NECAB2: variants seen among roughly 807,000 people sequenced by gnomAD.
NECAB2 encodes the protein N-terminal EF-hand calcium-binding protein 2.
NECAB2 carries 68 observed loss-of-function variants against 51.9 expected under a neutral mutation model. That is an observed-to-expected ratio of 1.31 (90% CI 1.08 to 1.60). The LOEUF (loss-of-function observed/expected upper bound fraction) is 1.60. NECAB2 is among the 40% of genes most tolerant of loss of function. The pLI is 0.00. For missense variants in NECAB2, 854 were observed against 490.3 expected (o/e 1.74, Z -7.00); for synonymous variants, 329 against 203.5 (o/e 1.62, Z -5.25).
intron 5 of NECAB2, among the ~76,000 whole-genome samples, chr16:83,984,762 C>T (rs953327635): frequency 2.6e-5 from 4 of 152,148 alleles, no homozygotes; most frequent in African/African-American, 9.7e-5. Context: ...GCTGCTGTAG[C>T]TCACATCTTA....
At chr16:83,998,359 G>T in intron 10 of NECAB2, 42 bp downstream of exon 10, 1 of 1,573,350 alleles carries the variant, frequency 6.4e-7, no homozygotes. Flanking sequence ...GTGGCAGGGA[G>T]CTCTGCCTGG....
rs780301482 is a variant in NECAB2, at chr16:83,997,251, T to C, written c.831T>C (p.Asp277=). ...TCGACCTGCAGCAGCGCCTGTCAGA[T>C]GAAGATGGCACCAACATGGTGAGGC... ...LWFDLQQRLS[D]EDGTNMHLQL... The change falls in exon 9 of 13, where the codon GAT becomes GAC. Residue 277 remains aspartate (D), a synonymous_variant. Coordinates refer to ENST00000305202, the MANE Select transcript of NECAB2 (RefSeq NM_019065.3). 12 of 1,614,158 alleles carry C rather than the reference T, an allele frequency of 7.4e-6. No homozygotes were observed. The highest frequency in any genetic ancestry group is 9.3e-6 in the Non-Finnish European group (11 of 1,180,026).
chr16:83,991,585 T>A (rs948746148), intron 6 of NECAB2, among the ~76,000 whole-genome samples: 27 of 151,880 alleles, frequency 1.8e-4, no homozygotes, highest in African/African-American at 6.5e-4. Flanking sequence ...CAGGCTGGTC[T>A]TTAGGGTGAT....
intron 8 of NECAB2, 112 bp from the exon 9 acceptor site, chr16:83,997,104 C>G (rs1313504874): frequency 6.2e-6 from 8 of 1,285,666 alleles, no homozygotes; most frequent in Non-Finnish European, 7.8e-6. Context: ...CCCTGTGCAA[C>G]AGGGCCGGGT....
chr16:83,992,879 G>A (rs2084644066), intron 6 of NECAB2, among the ~76,000 whole-genome samples: 1 of 152,170 alleles, frequency 6.6e-6, no homozygotes, highest in South Asian at 2.1e-4. Context: ...GATTTCCTGG[G>A]TTTTCCTGTT....
At chr16:83,996,605 A>C (rs959476387) in intron 8 of NECAB2, among the ~76,000 whole-genome samples, 1 of 98,876 alleles carries the variant, frequency 1.0e-5, no homozygotes, top group Non-Finnish European at 2.7e-5. Context: ...TCAGGTAGAC[A>C]CACTGGGTTC....
At chr16:83,998,174 G>T (rs748117718) in intron 9 of NECAB2, 31 bp from the exon 10 acceptor site, 2 of 1,596,624 alleles carry the variant, frequency 1.3e-6, no homozygotes, top group Middle Eastern at 1.6e-4. Context: ...CTGACGTGGA[G>T]CCCCACACTG....
In NECAB2 at chr16:84,000,746, G is replaced by A. The variant is rs200006978; in HGVS notation, c.985G>A (p.Asp329Asn). The part of the protein sequence containing the change: ...CFHITAVRLS[D>N]GFTFVIYEFW... ...CAGCATCACTGCCGTGAGGCTCTCA[G>A]ATGGCTTCACCTTTGTCATCTATGA... The change falls in exon 11 of 13, where the codon GAT becomes AAT. Residue 329 changes from aspartate (D) to asparagine (N), a missense_variant. By Grantham distance (23) the Asp-to-Asn change is conservative. Coordinates refer to ENST00000305202, the MANE Select transcript of NECAB2 (RefSeq NM_019065.3). The A allele has an allele frequency of 6.9e-5, 112 of 1,613,918 alleles. No individual in the cohort carries two copies. Among genetic ancestry groups the A allele is most frequent in the Non-Finnish European group, 9.2e-5 (109 of 1,179,984 alleles).
rs371473924 is a variant in NECAB2, at chr16:83,973,140, C to G, written c.226+965C>G. Among the ~76,000 whole-genome samples the G allele has an allele frequency of 5.3e-5, 8 of 152,348 alleles. No homozygotes were observed. In the East Asian group the frequency reaches 1.4e-3, roughly 26 times the overall value. On this transcript the variant is annotated intron_variant, in intron 2 of 12. Coordinates refer to ENST00000305202, the MANE Select transcript of NECAB2 (RefSeq NM_019065.3). ...CATTGAGAAAATGCACATCAAGTAC[C>G]AAGCCTGTGGCAGGGGAAGAGCACG...
chr16:83,998,155 G>A (rs530831640), intron 9 of NECAB2, 50 bp from the exon 10 acceptor site: 4 of 1,558,950 alleles, frequency 2.6e-6, no homozygotes, highest in Non-Finnish European at 3.5e-6. Context: ...GGGTGTTTAG[G>A]GAGAAGGCCT....
At chr16:83,993,983 G>A (rs915138665) in intron 6 of NECAB2, among the ~76,000 whole-genome samples, 6 of 152,148 alleles carry the variant, frequency 3.9e-5, no homozygotes, top group Admixed American at 1.3e-4. Context: ...CGAAAGCTTC[G>A]AGCTGTTAGA....
Position 83,972,062 on chromosome 16 carries a change from A to T in NECAB2, c.202-89A>T, listed in dbSNP as rs142526376. 1.7e-3 allele frequency: 2,712 copies of T among 1,561,800 alleles called. 7 individuals carry two copies. The highest frequency in any genetic ancestry group is 5.2e-3 in the Middle Eastern group (30 of 5,824). ...CAGGACCCTAAGCTGCTCCTGGGAG[A>T]AGAGAAGGATCCCAGTATCCGGTCA... On this transcript the variant is annotated intron_variant, in intron 1 of 12. Transcript: ENST00000305202.
At chr16:83,981,372 C>T (rs2151089568) in intron 5 of NECAB2, among the ~76,000 whole-genome samples, 1 of 151,696 alleles carries the variant, frequency 6.6e-6, no homozygotes, top group African/African-American at 2.4e-5. Flanking sequence ...TGGGCTGGGG[C>T]CTTAGAAAGG....
rs151090633 is a variant in NECAB2, at chr16:83,997,680, G to C, written c.849+411G>C. On this transcript the variant is annotated intron_variant, in intron 9 of 12. Coordinates refer to ENST00000305202, the MANE Select transcript of NECAB2 (RefSeq NM_019065.3). ...TTTTTTTGGTATTTTTAGTAGAGAC[G>C]GACAGGGTTTCACCATGTTGGTCAG... 5.7e-3 allele frequency among the ~76,000 whole-genome samples: 862 copies of C among 150,616 alleles called. 10 individuals carry two copies. Among genetic ancestry groups the C allele is most frequent in the African/African-American group, 0.02 (823 of 40,482 alleles).
Position 83,997,177 on chromosome 16 carries a change from G to T in NECAB2, c.796-39G>T, listed in dbSNP as rs775129657. ...TCCTGGCTCCCCGGGGCGGAGTGGG[G>T]CTCTGGGTCTAGCATCACTGTGTGC... is the stretch of plus-strand genomic sequence containing the variant. On this transcript the variant is annotated intron_variant, in intron 8 of 12. Transcript: ENST00000305202. 1.3e-5 allele frequency: 21 copies of T among 1,613,582 alleles called. No individual in the cohort carries two copies. In the African/African-American group the frequency reaches 2.5e-4, roughly 19 times the overall value.
upstream of NECAB2, chr16:83,965,177 G>A (rs759430526): frequency 3.1e-6 from 5 of 1,613,288 alleles, no homozygotes; most frequent in African/African-American, 4.0e-5. Flanking sequence ...CACAGCCGTG[G>A]AGTGGGGGAC....
intron 2 of NECAB2, among the ~76,000 whole-genome samples, chr16:83,972,412 G>C (rs2084359686): frequency 6.6e-6 from 1 of 152,242 alleles, no homozygotes; most frequent in African/African-American, 2.4e-5. Context: ...GGCTCAGTGA[G>C]TCTTGTCTGT....
chr16:83,992,354 C>A (rs1171600179), intron 6 of NECAB2, among the ~76,000 whole-genome samples: 1 of 148,916 alleles, frequency 6.7e-6, no homozygotes, highest in South Asian at 2.1e-4. Flanking sequence ...GCAGTCCCAT[C>A]TCCCGGGGAA....
At chr16:84,000,658 G>C (rs1228688386) in intron 10 of NECAB2, 66 bp from the exon 11 acceptor site, 1 of 1,422,968 alleles carries the variant, frequency 7.0e-7, no homozygotes, top group Non-Finnish European at 9.9e-7. Context: ...GCCACCCCAG[G>C]GGAACAGCAC....
Sources: allele counts gnomAD v4.1 joint callset (sites outside exome capture counted in the v4.1 genomes callset), GRCh38; gene constraint gnomAD v4.1.1; transcripts MANE v1.5; gene names NCBI Gene and HGNC (gene_info 2026-07-23, HGNC 2026-07-21).